SLCO1B1: variants seen among roughly 807,000 people sequenced by gnomAD.
SLCO1B1 encodes OATP-2.
In SLCO1B1, 81 loss-of-function variants were observed where a neutral mutation model predicts 70.1. The ratio of observed to expected loss-of-function variants is 1.16; its 90% CI spans 0.97 to 1.39. The LOEUF (loss-of-function observed/expected upper bound fraction) is 1.39, where lower values mean the gene tolerates loss of function less well. Ranked by LOEUF, SLCO1B1 falls within the 40% of genes most tolerant of loss-of-function variation. The pLI is 0.00. For synonymous variants in SLCO1B1, 283 were observed against 271.5 expected, an observed-to-expected ratio of 1.04 and a Z score of -0.42; for missense variants, 895 against 799.6, an observed-to-expected ratio of 1.12 and a Z score of -1.44.
In SLCO1B1 at chr12:21,131,238, T is replaced by A. The variant is rs1940128312; in HGVS notation, c.-62+2T>A. On this transcript the variant is annotated splice_donor_variant, in intron 1 of 14. Transcript: ENST00000256958. LOFTEE classifies it low-confidence loss of function (5UTR_SPLICE). ...GTTGCTGTAGGATTCTAAATCCAGG[T>A]AAGAACCATTGAGATTCTCTAATTT... is the stretch of plus-strand genomic sequence containing the variant. 6.6e-6 allele frequency: 1 copy of A among 152,078 alleles called. No individual in the cohort carries two copies. The highest frequency in any genetic ancestry group is 2.1e-4 in the South Asian group (1 of 4,826). The allele number at this position is 152,078 out of a possible 1,614,324, so 9.4% of individuals were successfully genotyped here. A position where few individuals can be genotyped will look rare whatever the true frequency, so the allele number is the denominator to read the frequency against.
At chr12:21,178,811 AT>A in intron 6 of SLCO1B1, 89 bp downstream of exon 6, 1 of 1,372,512 alleles carries the variant, frequency 7.3e-7, no homozygotes, top group Non-Finnish European at 1.0e-6. Flanking sequence ...TATTTTACCT[AT>A]TAGAACATAT....
At chr12:21,214,788 G>C (rs184331805) in intron 11 of SLCO1B1, among the ~76,000 whole-genome samples, 4 of 152,286 alleles carry the variant, frequency 2.6e-5, no homozygotes, top group South Asian at 4.1e-4. Context: ...TAAGCCCCTC[G>C]GAAAAGCGCA....
chr12:21,139,091 A>C (rs150365835), intron 1 of SLCO1B1, among the ~76,000 whole-genome samples: 1 of 152,312 alleles, frequency 6.6e-6, no homozygotes, highest in Non-Finnish European at 1.5e-5. Flanking sequence ...CCTTCAAGAC[A>C]TCAAGAATAT....
At chr12:21,177,320 G>C (rs1189193176) in intron 5 of SLCO1B1, among the ~76,000 whole-genome samples, 2 of 151,996 alleles carry the variant, frequency 1.3e-5, no homozygotes, top group Non-Finnish European at 2.9e-5. Flanking sequence ...ATTTTCAATA[G>C]GAAATTGACA....
chr12:21,180,744 T>G (rs529478401), intron 7 of SLCO1B1, among the ~76,000 whole-genome samples: 1 of 152,326 alleles, frequency 6.6e-6, no homozygotes, highest in South Asian at 2.1e-4. Flanking sequence ...CTACACATTA[T>G]GTACATTATT....
chr12:21,212,435 G>T (rs1941299087), intron 11 of SLCO1B1, among the ~76,000 whole-genome samples: 1 of 138,828 alleles, frequency 7.2e-6, no homozygotes, highest in Non-Finnish European at 1.5e-5. Context: ...GAGATAGTTT[G>T]TTATAATTTC....
chr12:21,213,264 T>C (rs1051181752), intron 11 of SLCO1B1, among the ~76,000 whole-genome samples: 8 of 152,274 alleles, frequency 5.3e-5, no homozygotes, highest in African/African-American at 1.7e-4. Flanking sequence ...GGCCTGGTGG[T>C]GACAGAATCT....
chr12:21,191,791 AT>A (rs1391493070), intron 7 of SLCO1B1, among the ~76,000 whole-genome samples: 1 of 152,010 alleles, frequency 6.6e-6, no homozygotes, highest in Admixed American at 6.6e-5. Flanking sequence ...TGTTGAGGCA[AT>A]TTTTATCTAT....
intron 1 of SLCO1B1, among the ~76,000 whole-genome samples, chr12:21,132,803 G>C (rs1314819289): frequency 2.0e-5 from 3 of 152,294 alleles, no homozygotes; most frequent in East Asian, 1.9e-4. Context: ...TCTGATGGTA[G>C]TTTCTTTTGC....
At chr12:21,238,942 A>C (rs1232900563) in intron 14 of SLCO1B1, 37 bp from the exon 15 acceptor site, 3 of 1,296,836 alleles carry the variant, frequency 2.3e-6, no homozygotes, top group South Asian at 1.3e-5. Flanking sequence ...CACACAATTT[A>C]AACTGATTTA....
chr12:21,154,049 T>C (rs2121064848), intron 2 of SLCO1B1, among the ~76,000 whole-genome samples: 1 of 151,624 alleles, frequency 6.6e-6, no homozygotes, highest in South Asian at 2.1e-4. Context: ...TTGATATAGT[T>C]AGACTTGCTT....
chr12:21,201,882 G>T (rs1296758301), intron 9 of SLCO1B1, among the ~76,000 whole-genome samples: 1 of 151,850 alleles, frequency 6.6e-6, no homozygotes, highest in Non-Finnish European at 1.5e-5. Context: ...AATAAGATTG[G>T]CATTCTACTA....
intron 3 of SLCO1B1, 152 bp downstream of exon 3, chr12:21,172,943 G>A (rs945290423): frequency 2.8e-5 from 20 of 718,588 alleles, no homozygotes; most frequent in Non-Finnish European, 4.2e-5. Context: ...CTGCACAGGG[G>A]TTGGGGGCAA....
At chr12:21,201,924 G>C (rs951534007) in intron 9 of SLCO1B1, among the ~76,000 whole-genome samples, 15 of 152,118 alleles carry the variant, frequency 9.9e-5, no homozygotes, top group African/African-American at 3.6e-4. Flanking sequence ...GTTTATTGCA[G>C]CACTATTTGC....
intron 11 of SLCO1B1, among the ~76,000 whole-genome samples, chr12:21,215,529 A>C (rs1215065059): frequency 6.6e-6 from 1 of 152,190 alleles, no homozygotes; most frequent in African/African-American, 2.4e-5. Context: ...AATAAAGCCT[A>C]CTTGGTCATG....
At chr12:21,161,714 G>A (rs1020821413) in intron 2 of SLCO1B1, among the ~76,000 whole-genome samples, 3 of 151,786 alleles carry the variant, frequency 2.0e-5, no homozygotes, top group African/African-American at 7.3e-5. Context: ...AATCATAAAT[G>A]TCAAATTAAA....
At chr12:21,154,097 T>C (rs1940508699) in intron 2 of SLCO1B1, among the ~76,000 whole-genome samples, 1 of 152,104 alleles carries the variant, frequency 6.6e-6, no homozygotes, top group Non-Finnish European at 1.5e-5. Context: ...TTCCCCTTTT[T>C]TAATGCTCCC....
intron 8 of SLCO1B1, among the ~76,000 whole-genome samples, chr12:21,199,302 T>G (rs1371600949): frequency 6.6e-6 from 1 of 152,168 alleles, no homozygotes; most frequent in Admixed American, 6.6e-5. Flanking sequence ...TGATACTTCC[T>G]ACTGTTTTTC....
intron 13 of SLCO1B1, among the ~76,000 whole-genome samples, chr12:21,222,994 G>A (rs761122174): frequency 4.0e-4 from 61 of 152,168 alleles, no homozygotes; most frequent in Middle Eastern, 3.4e-3. Context: ...CCTCCGTTCC[G>A]TTTTGTGTGT....
Sources: allele counts gnomAD v4.1 joint callset (sites outside exome capture counted in the v4.1 genomes callset), GRCh38; gene constraint gnomAD v4.1.1; transcripts MANE v1.5; gene names NCBI Gene and HGNC (gene_info 2026-07-23, HGNC 2026-07-21).